The following CMIP variants were observed in gnomAD, a reference collection of about 807,000 sequenced individuals.
CMIP encodes the protein C-Maf-inducing protein.
A neutral mutation model predicts 97.3 loss-of-function variants in CMIP; 13 were observed. The ratio of observed to expected loss-of-function variants is 0.13; its 90% CI spans 0.09 to 0.21. The LOEUF (loss-of-function observed/expected upper bound fraction) is 0.21. Ranked by LOEUF, CMIP falls within the 10% of genes least tolerant of loss-of-function variation. The pLI, the probability that CMIP is intolerant of heterozygous loss-of-function variation, is 1.00. For missense variants in CMIP, 847 were observed against 1,024.9 expected (o/e 0.83, Z 2.37); for synonymous variants, 538 against 436.3 (o/e 1.23, Z -2.91).
At chr16:81,646,894 T>G (rs2092370267) in intron 3 of CMIP, among the ~76,000 whole-genome samples, 1 of 152,256 alleles carries the variant, frequency 6.6e-6, no homozygotes, top group African/African-American at 2.4e-5. Context: ...TTTAAGTTGT[T>G]TCTGTGAAGA....
chr16:81,623,115 G>A (rs1432417566), intron 3 of CMIP, among the ~76,000 whole-genome samples: 4 of 152,152 alleles, frequency 2.6e-5, no homozygotes, highest in African/African-American at 9.7e-5. Context: ...GAGGTGGGAG[G>A]ATCACTTGAG....
intron 3 of CMIP, among the ~76,000 whole-genome samples, chr16:81,648,269 A>T (rs2092388586): frequency 6.6e-6 from 1 of 151,452 alleles, no homozygotes; most frequent in Non-Finnish European, 1.5e-5. Flanking sequence ...GTCCCTTTCT[A>T]GCTGCTTGAC....
rs150944501 is a variant in CMIP, at chr16:81,571,873, C to G, written c.301-35694C>G. The stretch of plus-strand genomic sequence containing the variant: ...GCCTCTTGCACTAACAAGGGTGGAT[C>G]TGTGCTTAAATTACCTCTTACCTGG... On this transcript the variant is annotated intron_variant, in intron 1 of 20. Transcript: ENST00000537098. Among the ~76,000 whole-genome samples, 288 of 152,346 alleles carry G rather than the reference C, an allele frequency of 1.9e-3. 1 individual carries two copies. Among genetic ancestry groups the G allele is most frequent in the African/African-American group, 6.7e-3 (279 of 41,584 alleles).
At chr16:81,633,222 G>A (rs556295537) in intron 3 of CMIP, among the ~76,000 whole-genome samples, 4 of 152,368 alleles carry the variant, frequency 2.6e-5, no homozygotes, top group Non-Finnish European at 4.4e-5. Context: ...TTCTGCAGGC[G>A]TCTGCAGTGT....
chr16:81,693,355 C>T, intron 12 of CMIP, 84 bp from the exon 13 acceptor site: 1 of 1,551,276 alleles, frequency 6.4e-7, no homozygotes, highest in Non-Finnish European at 8.8e-7. Flanking sequence ...GCCCGTTCTT[C>T]CTTGACACCA....
chr16:81,707,534 T>C (rs1355227863), intron 20 of CMIP, among the ~76,000 whole-genome samples: 2 of 152,180 alleles, frequency 1.3e-5, no homozygotes, highest in East Asian at 3.9e-4. Flanking sequence ...CAAAGCATGC[T>C]CTGGCTGTTA....
chr16:81,614,060 CT>C lies in CMIP; in HGVS notation c.426+6369del, dbSNP rs2091873817. On this transcript the variant is annotated intron_variant, in intron 2 of 20. Coordinates refer to ENST00000537098, the MANE Select transcript of CMIP (RefSeq NM_198390.3). The surrounding 1 kb of genome is among the most constrained non-coding windows in gnomAD (Gnocchi z 5.3). Reference sequence around the variant, plus strand: ...GATGCGTTAGGCGAGGCATTCTGGCCTGGTTTGGTTGGGGATGGGGAGGGGA... The same window carrying C: ...GATGCGTTAGGCGAGGCATTCTGGCCGGTTTGGTTGGGGATGGGGAGGGGA... Among the ~76,000 whole-genome samples the C allele has an allele frequency of 6.6e-6, 1 of 152,130 alleles. No individual in the cohort carries two copies. Among genetic ancestry groups the C allele is most frequent in the African/African-American group, 2.4e-5 (1 of 41,404 alleles).
At chr16:81,459,861 C>G (rs1906797338) in intron 1 of CMIP, among the ~76,000 whole-genome samples, 1 of 152,218 alleles carries the variant, frequency 6.6e-6, no homozygotes, top group African/African-American at 2.4e-5. Context: ...GCCTTTCCCA[C>G]TCTTAGGAGG....
intron 1 of CMIP, among the ~76,000 whole-genome samples, chr16:81,505,015 G>A (rs2966093): frequency 0.71 from 108,629 of 152,234 alleles, 39,358 homozygotes; most frequent in East Asian, 0.85. Flanking sequence ...CAACGGTAAC[G>A]GGCAGCGCAG....
At chr16:81,479,298 A>T (rs1009344326) in intron 1 of CMIP, among the ~76,000 whole-genome samples, 1 of 152,218 alleles carries the variant, frequency 6.6e-6, no homozygotes, top group Non-Finnish European at 1.5e-5. Context: ...GAGGTGGGCA[A>T]TGAATGTCTT....
At chr16:81,587,439 G>A (rs1456361910) in intron 1 of CMIP, among the ~76,000 whole-genome samples, 1 of 152,176 alleles carries the variant, frequency 6.6e-6, no homozygotes, top group African/African-American at 2.4e-5. Context: ...GACCCAGTGG[G>A]GGGCCGGTTT....
chr16:81,711,397 C>G lies in CMIP; in HGVS notation c.*1598C>G, dbSNP rs1447170674. On this transcript the variant is annotated 3_prime_UTR_variant, in exon 21 of 21. Transcript: ENST00000537098. ...TTTAAAAAAGGAAAAAAAAAAGAAA[C>G]TGGGTTCCAGTCTTAATTCATTTTC... The G allele has an allele frequency of 6.6e-6, 1 of 151,658 alleles. No homozygotes were observed. The highest frequency in any genetic ancestry group is 2.4e-5 in the African/African-American group (1 of 41,216). 9.4% of individuals were successfully genotyped at this position (151,658 alleles called of 1,614,324 possible). A position where few individuals can be genotyped will look rare whatever the true frequency, so the allele number is the denominator to read the frequency against.
chr16:81,526,532 A>G (rs2090137413), intron 1 of CMIP, among the ~76,000 whole-genome samples: 1 of 152,248 alleles, frequency 6.6e-6, no homozygotes, highest in African/African-American at 2.4e-5. Context: ...TATACGATGG[A>G]TTAATAAAGA....
Position 81,650,504 on chromosome 16 carries a change from G to A in CMIP, c.478-1699G>A, listed in dbSNP as rs531664011. Among the ~76,000 whole-genome samples, 211 of 152,142 alleles carry A rather than the reference G, an allele frequency of 1.4e-3. 2 individuals are homozygous for A. Among genetic ancestry groups the A allele is most frequent in the Middle Eastern group, 3.4e-3 (1 of 294 alleles). On this transcript the variant is annotated intron_variant, in intron 3 of 20. Transcript: ENST00000537098. ...GTGATGGGCGGGGGGAATGAAAACC[G>A]TCTTTGGTGTGAGTTCATGGGGGCG...
chr16:81,582,519 C>G (rs1195677916), intron 1 of CMIP, among the ~76,000 whole-genome samples: 2 of 152,166 alleles, frequency 1.3e-5, no homozygotes, highest in African/African-American at 4.8e-5. Flanking sequence ...GTAAGGACCT[C>G]TGAGCTTTGA....
intron 1 of CMIP, among the ~76,000 whole-genome samples, chr16:81,499,349 A>G (rs1375270765): frequency 6.6e-6 from 1 of 152,192 alleles, no homozygotes; most frequent in East Asian, 1.9e-4. Flanking sequence ...CACCACTTGC[A>G]CACCCATGTA....
chr16:81,636,781 T>G (rs2092242190), intron 3 of CMIP, among the ~76,000 whole-genome samples: 1 of 152,120 alleles, frequency 6.6e-6, no homozygotes, highest in African/African-American at 2.4e-5. Context: ...CCCTACCCGT[T>G]GGTCCTCCCC....
intron 1 of CMIP, among the ~76,000 whole-genome samples, chr16:81,478,084 G>A (rs141511685): frequency 5.9e-5 from 9 of 152,334 alleles, no homozygotes; most frequent in South Asian, 2.1e-4. Flanking sequence ...GTTGGCATGG[G>A]CCACGCTAGC....
chr16:81,586,368 C>T (rs984589463), intron 1 of CMIP, among the ~76,000 whole-genome samples: 4 of 152,066 alleles, frequency 2.6e-5, no homozygotes, highest in African/African-American at 7.2e-5. Flanking sequence ...ATCGAAACAG[C>T]GATAGTAGAA....
Sources: gnomAD v4.1 joint callset for allele counts (sites outside exome capture counted in the v4.1 genomes callset) on GRCh38, gnomAD v4.1.1 for gene constraint, Gnocchi (gnomAD v3.1) non-coding constraint, MANE v1.5 for transcripts, NCBI Gene and HGNC (gene_info 2026-07-23, HGNC 2026-07-21) for gene names.